PIK3C3: variants seen among roughly 807,000 people sequenced by gnomAD.
PIK3C3 encodes PI3-kinase type 3.
PIK3C3 carries 95 observed loss-of-function variants against 126.1 expected under a neutral mutation model. That is an observed-to-expected ratio of 0.75 (90% CI 0.64 to 0.89). The LOEUF is 0.89. Among genes scored for constraint, PIK3C3 ranks in the 40% least tolerant of loss-of-function variants. The pLI is 0.00. For synonymous variants in PIK3C3, 374 were observed against 360.0 expected (o/e 1.04, Z -0.44); for missense variants, 829 against 1,063.2 (o/e 0.78, Z 3.06).
intron 3 of PIK3C3, among the ~76,000 whole-genome samples, chr18:41,968,515 C>T (rs1980487261): frequency 6.6e-6 from 1 of 152,020 alleles, no homozygotes. Flanking sequence ...TGTATGGGTC[C>T]ATAAGGTAAG....
chr18:42,059,144 G>T (rs946419739), intron 22 of PIK3C3, among the ~76,000 whole-genome samples: 1 of 152,192 alleles, frequency 6.6e-6, no homozygotes, highest in Non-Finnish European at 1.5e-5. Flanking sequence ...GTTGGTCCTA[G>T]GAGACTGGTT....
chr18:41,973,228 A>G (rs1980755409), intron 4 of PIK3C3, among the ~76,000 whole-genome samples: 1 of 152,072 alleles, frequency 6.6e-6, no homozygotes. Flanking sequence ...TGCAATGTGT[A>G]TGCCTAGGGT....
intron 9 of PIK3C3, among the ~76,000 whole-genome samples, chr18:42,003,396 G>A (rs1982386846): frequency 6.6e-6 from 1 of 152,102 alleles, no homozygotes; most frequent in Non-Finnish European, 1.5e-5. Context: ...TTGAGACCCA[G>A]CAATAAGTAT....
chr18:42,004,546 A>G lies in PIK3C3; in HGVS notation c.1170+5A>G, dbSNP rs776342241. 3.8e-6 allele frequency: 6 copies of G among 1,577,136 alleles called. No homozygotes were observed. Among genetic ancestry groups the G allele is most frequent in the South Asian group, 1.2e-5 (1 of 85,342 alleles). On this transcript the variant is annotated splice_donor_5th_base_variant and intron_variant, in intron 10 of 24. Transcript: ENST00000262039. Reference sequence around the variant, plus strand: ...TTGCGACAGGCCGATGATGAGGTGCATTATTATTTATTATTCTGCTTCAAT... The same window carrying G: ...TTGCGACAGGCCGATGATGAGGTGCGTTATTATTTATTATTCTGCTTCAAT...
At chr18:42,038,909 A>T in intron 18 of PIK3C3, 59 bp downstream of exon 18, 1 of 1,156,944 alleles carries the variant, frequency 8.6e-7, no homozygotes, top group Non-Finnish European at 1.2e-6. Flanking sequence ...TACTTTTTCA[A>T]ATTGAAAATT....
At chr18:42,030,434 G>A (rs1449869934) in intron 15 of PIK3C3, among the ~76,000 whole-genome samples, 2 of 152,208 alleles carry the variant, frequency 1.3e-5, no homozygotes, top group East Asian at 1.9e-4. Context: ...GCCTTTCTTG[G>A]TGACCTTTGT....
rs113568394 is a variant in PIK3C3, at chr18:42,002,023, C to T, written c.985-2333C>T. Among the ~76,000 whole-genome samples, 687 of 152,126 alleles carry T rather than the reference C, an allele frequency of 4.5e-3. 3 individuals carry two copies. Among genetic ancestry groups the T allele is most frequent in the African/African-American group, 0.016 (655 of 41,496 alleles). ...AGGTGTAGAGGAAGTGGACAGCTGT[C>T]CTTGGGGAATGCAGACTCCAGTTAT... On this transcript the variant is annotated intron_variant, in intron 9 of 24. Transcript: ENST00000262039.
chr18:42,012,515 G>A (rs764473828), intron 10 of PIK3C3, among the ~76,000 whole-genome samples: 1 of 152,040 alleles, frequency 6.6e-6, no homozygotes, highest in Non-Finnish European at 1.5e-5. Context: ...AAGATAATAC[G>A]TACATTTAAA....
chr18:42,062,370 CATGTGGCCCAGGACAG>C (rs537730052), intron 22 of PIK3C3, among the ~76,000 whole-genome samples: 59 of 152,106 alleles, frequency 3.9e-4, no homozygotes, highest in African/African-American at 1.0e-3. Flanking sequence ...CCCCAGGCCA[CATGTGGCCCAGGACAG>C]CTTAGAATAC....
rs771602292 is a variant in PIK3C3 at position 42,082,703 on chromosome 18, C to G, written c.*1566C>G. On this transcript the variant is annotated 3_prime_UTR_variant, in exon 25 of 25. Transcript: ENST00000262039. ...CCTTTCTTCCGTGTGAACTCCTACA[C>G]TTGCATCTCCTATTTCAGGATTTGG... 5.3e-5 allele frequency: 8 copies of G among 152,200 alleles called. No homozygotes were observed. The highest frequency in any genetic ancestry group is 1.2e-4 in the Non-Finnish European group (8 of 68,044). The allele number at this position is 152,200 out of a possible 1,614,324, so 9.4% of individuals were successfully genotyped here.
At chr18:42,004,120 T>C (rs1982423599) in intron 9 of PIK3C3, among the ~76,000 whole-genome samples, 1 of 152,178 alleles carries the variant, frequency 6.6e-6, no homozygotes, top group African/African-American at 2.4e-5. Flanking sequence ...ATTAAAAAAT[T>C]CATAGTGCTC....
At chr18:42,019,431 C>T (rs1983222540) in intron 12 of PIK3C3, among the ~76,000 whole-genome samples, 1 of 152,132 alleles carries the variant, frequency 6.6e-6, no homozygotes, top group South Asian at 2.1e-4. Flanking sequence ...TACAAAATGA[C>T]CTTAATACTT....
chr18:41,964,602 G>C (rs2144299384), intron 3 of PIK3C3, among the ~76,000 whole-genome samples: 1 of 152,056 alleles, frequency 6.6e-6, no homozygotes, highest in South Asian at 2.1e-4. Flanking sequence ...CTGTCAGTTA[G>C]GATAGTATTA....
At chr18:41,960,993 C>T (rs537150800) in intron 2 of PIK3C3, among the ~76,000 whole-genome samples, 4 of 152,032 alleles carry the variant, frequency 2.6e-5, no homozygotes, top group East Asian at 3.9e-4. Context: ...CTGCCTGCCT[C>T]GGCCTCCCAA....
intron 14 of PIK3C3, 130 bp from the exon 15 acceptor site, chr18:42,029,195 C>A: frequency 1.6e-6 from 1 of 608,920 alleles, no homozygotes. Flanking sequence ...TCAAGATAAT[C>A]TTTTTCAGTT....
At chr18:42,041,752 G>C (rs1984333705) in intron 19 of PIK3C3, among the ~76,000 whole-genome samples, 1 of 152,160 alleles carries the variant, frequency 6.6e-6, no homozygotes, top group African/African-American at 2.4e-5. Context: ...TTGTAGAAAA[G>C]TATTACTCTG....
intron 15 of PIK3C3, among the ~76,000 whole-genome samples, chr18:42,032,756 A>G (rs474605): frequency 0.65 from 98,174 of 151,742 alleles, 33,719 homozygotes; most frequent in African/African-American, 0.87. Context: ...AGATCTGACC[A>G]TCCATTTAGT....
chr18:42,050,338 A>G (rs772146049), intron 21 of PIK3C3: 2 of 152,188 alleles, frequency 1.3e-5, no homozygotes, highest in Non-Finnish European at 2.9e-5. Context: ...CTTTGTCCTG[A>G]CAACTCTTTA....
At chr18:42,079,153 A>C (rs755036025) in intron 24 of PIK3C3, among the ~76,000 whole-genome samples, 12 of 152,178 alleles carry the variant, frequency 7.9e-5, no homozygotes, top group Admixed American at 1.3e-4. Flanking sequence ...AGGCTTAATC[A>C]TTTCTAGGTT....
Sources: gnomAD v4.1 joint callset for allele counts (sites outside exome capture counted in the v4.1 genomes callset) on GRCh38, gnomAD v4.1.1 for gene constraint, MANE v1.5 for transcripts, NCBI Gene and HGNC (gene_info 2026-07-23, HGNC 2026-07-21) for gene names.